The following FNDC3A variants were observed in gnomAD, a reference collection of about 807,000 sequenced individuals.
FNDC3A encodes fibronectin type-III domain-containing protein 3A.
FNDC3A carries 32 observed loss-of-function variants against 148.9 expected under a neutral mutation model. That is an observed-to-expected ratio of 0.21 (90% CI 0.16 to 0.29). FNDC3A has a LOEUF of 0.29. Ranked by LOEUF, FNDC3A falls within the 10% of genes least tolerant of loss-of-function variation. The pLI is 1.00. For missense variants in FNDC3A, 1,191 were observed against 1,452.8 expected (o/e 0.82, Z 2.93); for synonymous variants, 472 against 473.6 (o/e 1.00, Z 0.04).
intron 2 of FNDC3A, among the ~76,000 whole-genome samples, chr13:49,016,409 C>T (rs555214948): frequency 6.6e-6 from 1 of 152,136 alleles, no homozygotes; most frequent in East Asian, 1.9e-4. Flanking sequence ...TTGTAGTATT[C>T]TCTGATGGTA....
rs184223233 is a variant in FNDC3A at position 49,201,928 on chromosome 13, T to A, written c.3116T>A (p.Ile1039Asn). 2.5e-5 allele frequency: 40 copies of A among 1,588,420 alleles called. No individual in the cohort carries two copies. Among genetic ancestry groups the A allele is most frequent in the Non-Finnish European group, 3.3e-5 (39 of 1,168,464 alleles). ...AGEGPLSQEY[I>N]FTTPKSVPAA... Reference sequence around the variant, plus strand: ...GAAGGTCCCCTCTCCCAAGAATATATTTTCACTACTCCAAAATCTGTCCCA... The same window carrying A: ...GAAGGTCCCCTCTCCCAAGAATATAATTTCACTACTCCAAAATCTGTCCCA... The change falls in exon 24 of 26, where the codon ATT becomes AAT. Residue 1039 changes from isoleucine to asparagine, a missense_variant. Ile to Asn is a moderately radical substitution (Grantham distance 149, BLOSUM62 -3). Coordinates refer to ENST00000492622, the MANE Select transcript of FNDC3A (RefSeq NM_001079673.2).
chr13:49,120,114 G>A (rs1479680028), intron 4 of FNDC3A, among the ~76,000 whole-genome samples: 1 of 152,182 alleles, frequency 6.6e-6, no homozygotes, highest in East Asian at 1.9e-4. Context: ...CCCACAAAGG[G>A]AAGCCCGTCA....
intron 12 of FNDC3A, 107 bp from the exon 13 acceptor site, chr13:49,175,260 C>G (rs1018993711): frequency 3.1e-6 from 2 of 635,030 alleles, no homozygotes; most frequent in Admixed American, 3.5e-5. Flanking sequence ...TATTATAATT[C>G]ATTATCAAAA....
chr13:49,052,844 G>T (rs542666693), intron 2 of FNDC3A, among the ~76,000 whole-genome samples: 1 of 152,296 alleles, frequency 6.6e-6, no homozygotes, highest in South Asian at 2.1e-4. Flanking sequence ...CCAGGTGGGA[G>T]CAGGGATAGG....
intron 1 of FNDC3A, among the ~76,000 whole-genome samples, chr13:48,984,366 G>A (rs978237685): frequency 6.6e-6 from 1 of 152,106 alleles, no homozygotes; most frequent in African/African-American, 2.4e-5. Context: ...CACAAGAATG[G>A]CCAAGTAAAT....
chr13:49,100,286 T>G (rs1357669683), intron 3 of FNDC3A, among the ~76,000 whole-genome samples: 2 of 152,102 alleles, frequency 1.3e-5, no homozygotes, highest in African/African-American at 4.8e-5. Flanking sequence ...TACCAAATGA[T>G]GTATTTTTAA....
chr13:49,021,280 A>G (rs535939845), intron 2 of FNDC3A, among the ~76,000 whole-genome samples: 12 of 152,158 alleles, frequency 7.9e-5, no homozygotes, highest in African/African-American at 2.9e-4. Flanking sequence ...TGTTTTCCCT[A>G]TTGTTATCCT....
chr13:49,186,454 A>G (rs1222784940), intron 15 of FNDC3A, among the ~76,000 whole-genome samples: 1 of 152,252 alleles, frequency 6.6e-6, no homozygotes, highest in African/African-American at 2.4e-5. Flanking sequence ...GCACCTACCT[A>G]CATACCTAAT....
At chr13:49,069,170 T>G (rs140298516) in intron 2 of FNDC3A, among the ~76,000 whole-genome samples, 1,890 of 152,180 alleles carry the variant, frequency 0.012, 26 homozygotes, top group African/African-American at 0.034. Context: ...AGTATTTAAC[T>G]GAAAAGATTA....
chr13:49,162,365 A>T (rs1271655018), intron 8 of FNDC3A, among the ~76,000 whole-genome samples: 1 of 152,032 alleles, frequency 6.6e-6, no homozygotes, highest in Non-Finnish European at 1.5e-5. Flanking sequence ...TTTGTGCTTC[A>T]GTCACTGATA....
chr13:49,049,802 C>G (rs942239843), intron 2 of FNDC3A, among the ~76,000 whole-genome samples: 2 of 152,104 alleles, frequency 1.3e-5, no homozygotes, highest in Non-Finnish European at 1.5e-5. Flanking sequence ...TCACTGCATC[C>G]TCTGCCTCCC....
intron 2 of FNDC3A, among the ~76,000 whole-genome samples, chr13:49,032,033 A>G (rs58359480): frequency 0.035 from 5,300 of 152,324 alleles, 279 homozygotes; most frequent in African/African-American, 0.11. Flanking sequence ...CTATAAGCAT[A>G]TGAAAGATTC....
intron 8 of FNDC3A, among the ~76,000 whole-genome samples, chr13:49,148,720 A>C (rs1308736776): frequency 6.6e-6 from 1 of 152,054 alleles, no homozygotes; most frequent in East Asian, 1.9e-4. Flanking sequence ...TTTTTGGATC[A>C]CTTTTTATAT....
At chr13:49,067,371 T>C (rs954621408) in intron 2 of FNDC3A, among the ~76,000 whole-genome samples, 8 of 152,264 alleles carry the variant, frequency 5.3e-5, no homozygotes, top group African/African-American at 1.9e-4. Flanking sequence ...CTGTGCAGAT[T>C]GTTGGTTTGG....
intron 2 of FNDC3A, among the ~76,000 whole-genome samples, chr13:49,070,423 AG>A (rs1186208973): frequency 2.0e-5 from 3 of 152,220 alleles, no homozygotes; most frequent in Non-Finnish European, 4.4e-5. Context: ...AAAAATATGA[AG>A]TACCAGAGTT....
chr13:49,142,321 C>G (rs993914169), intron 7 of FNDC3A, among the ~76,000 whole-genome samples: 1 of 152,140 alleles, frequency 6.6e-6, no homozygotes, highest in African/African-American at 2.4e-5. Flanking sequence ...AGATCTCTTT[C>G]GTTTCTGTTT....
intron 5 of FNDC3A, 60 bp downstream of exon 5, chr13:49,131,434 T>C (rs1882030036): frequency 8.6e-7 from 1 of 1,165,558 alleles, no homozygotes; most frequent in Non-Finnish European, 1.3e-6. Context: ...TTGGATATAA[T>C]AGATGCCATT....
rs1443415504 is a variant in FNDC3A, at chr13:49,168,647, C to T, written c.1072C>T (p.Pro358Ser). The T allele has an allele frequency of 6.2e-7, 1 of 1,611,442 alleles. No individual in the cohort carries two copies. Among genetic ancestry groups the T allele is most frequent in the East Asian group, 2.2e-5 (1 of 44,816 alleles). ...QAEYNSIKGT[P>S]SEAEIFTTLS... The stretch of plus-strand genomic sequence containing the variant: ...AGAATATAATTCTATAAAGGGAACT[C>T]CTTCAGAGGCTGAAATCTTTACCAC... The change falls in exon 10 of 26, where the codon CCT (proline) becomes TCT (serine). Residue 358 changes from proline to serine, a missense_variant. By Grantham distance (74) the Pro-to-Ser change is moderately conservative. Coordinates refer to ENST00000492622, the MANE Select transcript of FNDC3A (RefSeq NM_001079673.2).
chr13:49,131,440 C>T (rs1882030408), intron 5 of FNDC3A, 66 bp downstream of exon 5: 2 of 1,126,394 alleles, frequency 1.8e-6, no homozygotes, highest in African/African-American at 1.5e-5. Flanking sequence ...ATAATAGATG[C>T]CATTATCATA....
Sources: gnomAD v4.1 joint callset for allele counts (sites outside exome capture counted in the v4.1 genomes callset) on GRCh38, gnomAD v4.1.1 for gene constraint, MANE v1.5 for transcripts, NCBI Gene and HGNC (gene_info 2026-07-23, HGNC 2026-07-21) for gene names.